FSTL5: variants seen among roughly 807,000 people sequenced by gnomAD.
FSTL5 encodes the protein follistatin-related protein 5.
Under a neutral mutation model 89.1 loss-of-function variants are expected in FSTL5, and 62 were observed. The observed-to-expected ratio is 0.70, with a 90% CI of 0.57 to 0.86. The LOEUF is 0.86. Ranked by LOEUF, FSTL5 falls within the 40% of genes least tolerant of loss-of-function variation. FSTL5 has a pLI of 0.00. For missense variants in FSTL5, 1,057 were observed against 1,001.6 expected (o/e 1.06, Z -0.75); for synonymous variants, 383 against 346.2 (o/e 1.11, Z -1.18).
rs144409756 is a variant in FSTL5 at position 161,663,597 on chromosome 4, T to A, written c.728-7103A>T. The stretch of plus-strand genomic sequence containing the variant: ...GTGGCATTGCAGGGTACAGCCTCCC[T>A]CCCAGCTGCTTTCACAGGCTGGTAT... On this transcript the variant is annotated intron_variant, in intron 6 of 15. Coordinates refer to ENST00000306100, the MANE Select transcript of FSTL5 (RefSeq NM_020116.5). 6.0e-3 allele frequency among the ~76,000 whole-genome samples: 915 copies of A among 152,280 alleles called. 9 individuals carry two copies. Among genetic ancestry groups the A allele is most frequent in the South Asian group, 0.045 (218 of 4,820 alleles).
chr4:162,018,787 T>C (rs1736990303), intron 3 of FSTL5, among the ~76,000 whole-genome samples: 1 of 152,150 alleles, frequency 6.6e-6, no homozygotes, highest in South Asian at 2.1e-4. Flanking sequence ...AATAGTTCTA[T>C]ATTAAAGGAG....
chr4:161,997,639 C>G (rs1358428020), intron 3 of FSTL5, among the ~76,000 whole-genome samples: 1 of 132,230 alleles, frequency 7.6e-6, no homozygotes, highest in Non-Finnish European at 1.5e-5. Context: ...GAGTCTTGCT[C>G]TGTTGCCCAG....
chr4:161,633,797 C>CAAATATAAA (rs1735586547), intron 7 of FSTL5, among the ~76,000 whole-genome samples: 1 of 152,006 alleles, frequency 6.6e-6, no homozygotes, highest in Non-Finnish European at 1.5e-5. Context: ...ATAAAATGAG[C>CAAATATAAA]ATGAGACAAC....
chr4:161,809,144 G>T (rs932760058), intron 4 of FSTL5, among the ~76,000 whole-genome samples: 3 of 152,096 alleles, frequency 2.0e-5, no homozygotes, highest in African/African-American at 7.2e-5. Context: ...GCGTGAACCC[G>T]GGAGGCGGAG....
At chr4:162,110,669 T>C (rs1348618313) in intron 2 of FSTL5, among the ~76,000 whole-genome samples, 1 of 151,632 alleles carries the variant, frequency 6.6e-6, no homozygotes, top group African/African-American at 2.4e-5. Flanking sequence ...TGTTAAAACA[T>C]TAGCTTAATT....
At chr4:161,486,253 G>A (rs1729675406) in intron 12 of FSTL5, among the ~76,000 whole-genome samples, 1 of 151,410 alleles carries the variant, frequency 6.6e-6, no homozygotes, top group South Asian at 2.1e-4. Context: ...GTATTATGAA[G>A]AACACAGAAA....
At chr4:162,155,181 T>C (rs1733419297) in intron 1 of FSTL5, among the ~76,000 whole-genome samples, 1 of 152,152 alleles carries the variant, frequency 6.6e-6, no homozygotes, top group Admixed American at 6.6e-5. Flanking sequence ...AAGGAAGGGA[T>C]TTAAAGATGT....
At chr4:161,727,826 C>G (rs923555962) in intron 6 of FSTL5, among the ~76,000 whole-genome samples, 1 of 152,126 alleles carries the variant, frequency 6.6e-6, no homozygotes, top group Non-Finnish European at 1.5e-5. Flanking sequence ...AAGCTGACTT[C>G]TTAGTTTTGC....
At chr4:162,109,005 C>T (rs1579034691) in intron 2 of FSTL5, among the ~76,000 whole-genome samples, 1 of 151,860 alleles carries the variant, frequency 6.6e-6, no homozygotes, top group Non-Finnish European at 1.5e-5. Flanking sequence ...CAAATGGTGT[C>T]GAGTTTTGTG....
chr4:162,071,584 C>A (rs1156234092), intron 2 of FSTL5, among the ~76,000 whole-genome samples: 1 of 151,724 alleles, frequency 6.6e-6, no homozygotes, highest in Non-Finnish European at 1.5e-5. Context: ...TTGGGCAGAT[C>A]ATCTAGACAG....
intron 8 of FSTL5, among the ~76,000 whole-genome samples, chr4:161,575,507 T>C (rs1733178960): frequency 6.6e-6 from 1 of 151,994 alleles, no homozygotes; most frequent in African/African-American, 2.4e-5. Flanking sequence ...CAGGCTGGAG[T>C]GCAGTGGTGC....
intron 2 of FSTL5, among the ~76,000 whole-genome samples, chr4:162,061,193 G>A (rs565701047): frequency 6.6e-6 from 1 of 152,204 alleles, no homozygotes; most frequent in East Asian, 1.9e-4. Context: ...GACATTAATA[G>A]GAGATAGGTT....
At chr4:161,455,580 A>G (rs2126402185) in intron 14 of FSTL5, among the ~76,000 whole-genome samples, 1 of 152,280 alleles carries the variant, frequency 6.6e-6, no homozygotes, top group South Asian at 2.1e-4. Context: ...GGAATACATA[A>G]AACCATATTT....
rs144771948 is a variant in FSTL5, at chr4:161,911,143, G to A, written c.409+9261C>T. On this transcript the variant is annotated intron_variant, in intron 4 of 15. Coordinates refer to ENST00000306100, the MANE Select transcript of FSTL5 (RefSeq NM_020116.5). ...CTATGTAAAATTATTATGGATTTTC[G>A]AAAGTCATTATTGATTTATGTTAGA... Among the ~76,000 whole-genome samples, 597 of 152,044 alleles carry A rather than the reference G, an allele frequency of 3.9e-3. 9 individuals are homozygous for A. The highest frequency in any genetic ancestry group is 0.013 in the African/African-American group (540 of 41,492).
chr4:161,498,818 T>TA (rs1158910741), intron 12 of FSTL5, among the ~76,000 whole-genome samples: 3 of 152,232 alleles, frequency 2.0e-5, no homozygotes, highest in Non-Finnish European at 4.4e-5. Flanking sequence ...AATTTGTTTT[T>TA]ATTCATGTGC....
At chr4:161,950,399 G>A (rs1734859663) in intron 3 of FSTL5, among the ~76,000 whole-genome samples, 1 of 152,096 alleles carries the variant, frequency 6.6e-6, no homozygotes, top group African/African-American at 2.4e-5. Flanking sequence ...TGCCTTTGAA[G>A]GACTGCAGTT....
At chr4:161,474,125 T>C (rs1169545260) in intron 13 of FSTL5, among the ~76,000 whole-genome samples, 1 of 152,134 alleles carries the variant, frequency 6.6e-6, no homozygotes, top group Non-Finnish European at 1.5e-5. Flanking sequence ...CTGCAGCTAT[T>C]TTCTTTGTGG....
chr4:161,941,406 C>T (rs1380676710), intron 3 of FSTL5, among the ~76,000 whole-genome samples: 4 of 151,684 alleles, frequency 2.6e-5, no homozygotes, highest in Non-Finnish European at 1.5e-5. Flanking sequence ...AAGTAGTTTG[C>T]CTTAGGTTGA....
intron 1 of FSTL5, among the ~76,000 whole-genome samples, chr4:162,129,658 G>A (rs1732221290): frequency 6.6e-6 from 1 of 152,166 alleles, no homozygotes; most frequent in African/African-American, 2.4e-5. Context: ...GCATCTCACA[G>A]CTCCAATGCT....
Sources: allele counts gnomAD v4.1 joint callset (sites outside exome capture counted in the v4.1 genomes callset), GRCh38; gene constraint gnomAD v4.1.1; transcripts MANE v1.5; gene names NCBI Gene and HGNC (gene_info 2026-07-23, HGNC 2026-07-21).